MPP1: variants seen among roughly 807,000 people sequenced by gnomAD.
MPP1 encodes the protein 55 kDa erythrocyte membrane protein.
A neutral mutation model predicts 38.2 loss-of-function variants in MPP1; 6 were observed. The observed-to-expected ratio is 0.16, with a 90% confidence interval of 0.09 to 0.31. The LOEUF (loss-of-function observed/expected upper bound fraction) is 0.31, where lower values mean the gene tolerates loss of function less well. Among genes scored for constraint, MPP1 ranks in the 10% least tolerant of loss-of-function variants. MPP1 has a pLI of 1.00. For missense variants in MPP1, 293 were observed against 368.9 expected (o/e 0.79, Z 1.69); for synonymous variants, 153 against 146.3 (o/e 1.05, Z -0.33).
intron 1 of MPP1, 133 bp downstream of exon 1, chrX:154,805,139 A>G (rs1427594687): frequency 1.6e-6 from 1 of 617,227 alleles, no homozygotes; most frequent in Non-Finnish European, 2.5e-6. Context: ...CCCGCCGGCT[A>G]TCGCGGTCTC....
chrX:154,795,949 A>G (rs1286942123), intron 1 of MPP1, among the ~76,000 whole-genome samples: 1 of 111,301 alleles, frequency 9.0e-6, no homozygotes, highest in Non-Finnish European at 1.9e-5. Flanking sequence ...AATAAAATAA[A>G]TTAGTAAAAG....
At chrX:154,789,448 A>G (rs781996860) in intron 5 of MPP1, among the ~76,000 whole-genome samples, 7 of 112,507 alleles carry the variant, frequency 6.2e-5, no homozygotes, top group African/African-American at 2.3e-4. Flanking sequence ...GCCACTATCA[A>G]TCACGGGGCT....
At chrX:154,795,084 A>G (rs2072180580) in intron 1 of MPP1, among the ~76,000 whole-genome samples, 1 of 112,059 alleles carries the variant, frequency 8.9e-6, no homozygotes, top group South Asian at 3.7e-4. Flanking sequence ...CCTGGGCAAC[A>G]GAGGAAGACC....
rs781957434 is a variant in MPP1 at position 154,789,059 on chromosome X, AGGCATGG to A, written c.480+888_480+894del. Among the ~76,000 whole-genome samples the A allele has an allele frequency of 3.5e-4, 39 of 111,877 alleles. 1 individual carries two copies. Among genetic ancestry groups the A allele is most frequent in the African/African-American group, 1.3e-3 (39 of 30,779 alleles). On this transcript the variant is annotated intron_variant, in intron 5 of 11. Transcript: ENST00000369534. ...CGCATGGTGAGGGGGCGGCGGTCTT[AGGCATGG>A]GTGTACTCAGTTTGTGAAAATTCAT...
Position 154,778,925 on chromosome X carries a change from G to A in MPP1, c.*252C>T. 1 of 358,263 alleles carries A rather than the reference G, an allele frequency of 2.8e-6. No homozygotes were observed. Among genetic ancestry groups the A allele is most frequent in the East Asian group, 4.3e-5 (1 of 23,003 alleles). 29.5% of individuals were successfully genotyped at this position (358,263 alleles called of 1,213,427 possible). A position where few individuals can be genotyped will look rare whatever the true frequency, so the allele number is the denominator to read the frequency against. ...ACCCTTGATTAGCAGTTACATTTTG[G>A]TAGTACTTCTTACCCCCAATTTCTA... On this transcript the variant is annotated 3_prime_UTR_variant, in exon 12 of 12. Transcript: ENST00000369534.
At chrX:154,797,777 C>T (rs1168961436) in intron 1 of MPP1, among the ~76,000 whole-genome samples, 1 of 111,955 alleles carries the variant, frequency 8.9e-6, no homozygotes, top group African/African-American at 3.2e-5. Context: ...TGGACCTCAT[C>T]AAAATGAAAA....
At chrX:154,803,740 G>A (rs146756973) in intron 1 of MPP1, among the ~76,000 whole-genome samples, 2,104 of 112,372 alleles carry the variant, frequency 0.019, 51 homozygotes, top group African/African-American at 0.065. Flanking sequence ...CATGATTGTG[G>A]TTGTCGTTAC....
chrX:154,796,289 C>G (rs113880198), intron 1 of MPP1, among the ~76,000 whole-genome samples: 7,216 of 110,174 alleles, frequency 0.065, 296 homozygotes, highest in African/African-American at 0.14. Context: ...CGCCACCACA[C>G]CTGGCTAATT....
At chrX:154,785,327 C>T (rs1557267111) in intron 6 of MPP1, among the ~76,000 whole-genome samples, 170 bp from the exon 7 acceptor site, 1 of 109,208 alleles carries the variant, frequency 9.2e-6, no homozygotes, top group African/African-American at 3.4e-5. Flanking sequence ...GCACTGTGCC[C>T]TGCCCTCAGT....
intron 1 of MPP1, among the ~76,000 whole-genome samples, chrX:154,795,129 C>A (rs2072181250): frequency 9.0e-6 from 1 of 110,837 alleles, no homozygotes; most frequent in South Asian, 3.8e-4. Flanking sequence ...AACAAACAAA[C>A]AAAAAACATG....
rs782151855 is a variant in MPP1, at chrX:154,805,262, G to A, written c.102+10C>T. ...GCCCAGCGCCCTTGGGACTAGCGGG[G>A]CCCGCTCACCTCTGGCCGACTACGC... is the stretch of plus-strand genomic sequence containing the variant. On this transcript the variant is annotated intron_variant, in intron 1 of 11. Coordinates refer to ENST00000369534, the MANE Select transcript of MPP1 (RefSeq NM_002436.4). 78 of 1,191,547 alleles carry A rather than the reference G, an allele frequency of 6.5e-5. No individual in the cohort carries two copies. The South Asian group carries it at 1.3e-3, about 20-fold the overall frequency.
chrX:154,804,458 A>T (rs5945116), intron 1 of MPP1, among the ~76,000 whole-genome samples: 14,097 of 110,228 alleles, frequency 0.13, 735 homozygotes, highest in Non-Finnish European at 0.15. Flanking sequence ...TCCCCTTGGG[A>T]CCTGGCCAGC....
Position 154,786,227 on chromosome X carries a change from G to A in MPP1, c.654C>T (p.Ile218=). The change falls in exon 6 of 12, where the codon ATC becomes ATT. Residue 218 remains isoleucine, a synonymous_variant. Transcript: ENST00000369534. ...EGSSKESAGL[I]PSPELQEWRV... ...ACCATTCCTGCAGCTCAGGGGAAGG[G>A]ATCAATCCTGCTGACTCCTTGGAGG... 27 of 1,211,069 alleles carry A rather than the reference G, an allele frequency of 2.2e-5. No homozygotes were observed. The highest frequency in any genetic ancestry group is 2.9e-5 in the Non-Finnish European group (26 of 895,077).
rs1314805063 is a variant in MPP1 at position 154,778,875 on chromosome X, G to A, written c.*302C>T. ...AAGGAGGGCAGGCTTTAGAGGGATGGGGTCCATTGCTTTTGCTGTGCATCA... is the reference window on the plus strand; with the variant it reads ...AAGGAGGGCAGGCTTTAGAGGGATGAGGTCCATTGCTTTTGCTGTGCATCA... On this transcript the variant is annotated 3_prime_UTR_variant, in exon 12 of 12. Coordinates refer to ENST00000369534, the MANE Select transcript of MPP1 (RefSeq NM_002436.4). The A allele has an allele frequency of 1.7e-5, 5 of 292,729 alleles. No homozygotes were observed. The highest frequency in any genetic ancestry group is 1.3e-4 in the African/African-American group (5 of 37,108). The allele number at this position is 292,729 out of a possible 1,213,427, so 24.1% of individuals were successfully genotyped here. A position where few individuals can be genotyped will look rare whatever the true frequency, so the allele number is the denominator to read the frequency against.
Position 154,792,277 on chromosome X carries a change from C to T in MPP1, c.111G>A (p.Ser37=), listed in dbSNP as rs1557267851. Residue 37 remains serine (S), a synonymous_variant, in exon 2 of 12, where the codon TCG becomes TCA. Transcript: ENST00000369534. ...LQKRSRPEAV[S]HPLNTVTEDM... ...CCTCGGTCACAGTATTCAATGGATGCGATACAGCCTGCCAAGCCAAAACAA... is the reference window on the plus strand; with the variant it reads ...CCTCGGTCACAGTATTCAATGGATGTGATACAGCCTGCCAAGCCAAAACAA... 8.3e-7 allele frequency: 1 copy of T among 1,200,623 alleles called. No homozygotes were observed. The highest frequency in any genetic ancestry group is 1.1e-6 in the Non-Finnish European group (1 of 888,054).
At chrX:154,799,815 T>C (rs960239460) in intron 1 of MPP1, 1 of 1,165,509 alleles carries the variant, frequency 8.6e-7, no homozygotes, top group Non-Finnish European at 1.1e-6. Context: ...GGAGTGGCAA[T>C]GCCTGCCGCT....
chrX:154,800,620 A>G (rs995046339), intron 1 of MPP1, among the ~76,000 whole-genome samples: 3 of 112,670 alleles, frequency 2.7e-5, no homozygotes, highest in Non-Finnish European at 3.8e-5. Flanking sequence ...GCAAATAACA[A>G]CACTCGTTAA....
Position 154,779,163 on chromosome X carries a change from C to G in MPP1, c.*14G>C, listed in dbSNP as rs2071956873. On this transcript the variant is annotated 3_prime_UTR_variant, in exon 12 of 12. Coordinates refer to ENST00000369534, the MANE Select transcript of MPP1 (RefSeq NM_002436.4). ...TGGAGAGGGGCATACAGTGGGTTCC[C>G]CCATTCTACAAGCTTAGTAAACCCA... The G allele has an allele frequency of 3.3e-6, 4 of 1,199,942 alleles. No homozygotes were observed. Among genetic ancestry groups the G allele is most frequent in the Non-Finnish European group, 2.2e-6 (2 of 890,161 alleles).
rs1399458037 is a variant in MPP1, at chrX:154,784,543, C to A, written c.785-435G>T. Among the ~76,000 whole-genome samples the A allele has an allele frequency of 4.5e-5, 5 of 111,153 alleles. No individual in the cohort carries two copies. The East Asian group carries it at 1.4e-3, about 31-fold the overall frequency. On this transcript the variant is annotated intron_variant, in intron 7 of 11. Coordinates refer to ENST00000369534, the MANE Select transcript of MPP1 (RefSeq NM_002436.4). ...GACCTGGTGTCATCCTGACTCTCCA[C>A]CCCCTTACCTGCCTACAACCCAAGA...
Sources: allele counts gnomAD v4.1 joint callset (sites outside exome capture counted in the v4.1 genomes callset), GRCh38; gene constraint gnomAD v4.1.1; transcripts MANE v1.5; gene names NCBI Gene and HGNC (gene_info 2026-07-23, HGNC 2026-07-21).